The following VPS53 variants were observed in gnomAD, a reference collection of about 807,000 sequenced individuals.
The protein encoded by VPS53 is vacuolar protein sorting-associated protein 53 homolog.
Under a neutral mutation model 107.0 loss-of-function variants are expected in VPS53, and 70 were observed. The observed-to-expected ratio is 0.65, with a 90% CI of 0.54 to 0.80. VPS53 has a LOEUF of 0.80. Ranked by LOEUF, VPS53 falls within the 30% of genes least tolerant of loss-of-function variation. VPS53 has a pLI of 0.00. For missense variants in VPS53, 917 were observed against 1,049.4 expected (o/e 0.87, Z 1.74); for synonymous variants, 409 against 393.3 (o/e 1.04, Z -0.47).
intron 11 of VPS53, among the ~76,000 whole-genome samples, chr17:610,127 TCACACACA>T (rs200106767): frequency 0.17 from 22,243 of 134,278 alleles, 1,976 homozygotes; most frequent in Middle Eastern, 0.2. Context: ...TGAGACTCCG[TCACACACA>T]CACACACACA....
At chr17:681,328 G>A (rs1282180096) in intron 4 of VPS53, among the ~76,000 whole-genome samples, 2 of 152,288 alleles carry the variant, frequency 1.3e-5, no homozygotes, top group East Asian at 1.9e-4. Context: ...GTAGAGACAT[G>A]GTTTCACCAT....
In VPS53 at chr17:563,967, G is replaced by A. The variant is rs1368563017; in HGVS notation, c.1314-1222C>T. Among the ~76,000 whole-genome samples, 4 of 152,364 alleles carry A rather than the reference G, an allele frequency of 2.6e-5. No individual in the cohort carries two copies. In the East Asian group the frequency reaches 5.8e-4, roughly 22 times the overall value. ...AAAATCTTAGGAAAAGAGAGGGTAC[G>A]GGCAGAGTGTGGTGGCTCAAGCCTG... On this transcript the variant is annotated intron_variant, in intron 13 of 21. Transcript: ENST00000437048.
rs1448850096 is a variant in VPS53 at position 515,585 on chromosome 17, C to T, written c.*3543G>A. ...TGTTGCCCAGGCTTGTCTTGAAGTCCTGGGCTCAAGCAATCTTCCCACCTC... is the reference window on the plus strand; with the variant it reads ...TGTTGCCCAGGCTTGTCTTGAAGTCTTGGGCTCAAGCAATCTTCCCACCTC... On this transcript the variant is annotated 3_prime_UTR_variant, in exon 22 of 22. Coordinates refer to ENST00000437048, the MANE Select transcript of VPS53 (RefSeq NM_001128159.3). 1 of 152,122 alleles carries T rather than the reference C, an allele frequency of 6.6e-6. No individual in the cohort carries two copies. The highest frequency in any genetic ancestry group is 2.4e-5 in the African/African-American group (1 of 41,400). 9.4% of individuals were successfully genotyped at this position (152,122 alleles called of 1,614,324 possible). A position where few individuals can be genotyped will look rare whatever the true frequency, so the allele number is the denominator to read the frequency against.
intron 17 of VPS53, among the ~76,000 whole-genome samples, chr17:539,537 C>T (rs1053502808): frequency 6.6e-6 from 1 of 152,196 alleles, no homozygotes; most frequent in African/African-American, 2.4e-5. Context: ...TAAAAGGTGA[C>T]CTTACCTTTA....
chr17:524,069 C>T lies in VPS53; in HGVS notation c.2086-2331G>A, dbSNP rs1341880134. Among the ~76,000 whole-genome samples, 1 of 152,076 alleles carries T rather than the reference C, an allele frequency of 6.6e-6. No homozygotes were observed. The highest frequency in any genetic ancestry group is 2.4e-5 in the African/African-American group (1 of 41,400). On this transcript the variant is annotated intron_variant, in intron 19 of 21. Coordinates refer to ENST00000437048, the MANE Select transcript of VPS53 (RefSeq NM_001128159.3). The surrounding 1 kb of genome is among the most constrained non-coding windows in gnomAD (Gnocchi z 4.5). ...ATCCCAGCATTTTGGGAGGCCGAGG[C>T]GGGTGGATCATCTGAGGTCAGGAGT...
intron 4 of VPS53, among the ~76,000 whole-genome samples, chr17:671,603 AAC>A (rs1406012599): frequency 1.3e-5 from 2 of 152,138 alleles, no homozygotes; most frequent in Admixed American, 1.3e-4. Context: ...TCGTTTACCC[AAC>A]ACTCTTCCCC....
chr17:660,779 T>A (rs1165111804), intron 5 of VPS53, among the ~76,000 whole-genome samples: 1 of 152,176 alleles, frequency 6.6e-6, no homozygotes, highest in East Asian at 1.9e-4. Flanking sequence ...CTCAGTGCTC[T>A]TCATACGTTT....
intron 4 of VPS53, among the ~76,000 whole-genome samples, chr17:662,733 GAA>G (rs1381383531): frequency 1.5e-5 from 2 of 129,234 alleles, no homozygotes; most frequent in Admixed American, 1.6e-4. Context: ...AGAAGGGAGA[GAA>G]AGAGAGACAA....
At chr17:536,629 C>T (rs1910088260) in intron 18 of VPS53, 1 of 178,366 alleles carries the variant, frequency 5.6e-6, no homozygotes, top group African/African-American at 2.4e-5. Context: ...AAAATCAGTA[C>T]TGCAGGCACC....
chr17:712,103 TCC>T (rs1973664103), intron 1 of VPS53, among the ~76,000 whole-genome samples: 1 of 127,552 alleles, frequency 7.8e-6, no homozygotes, highest in Non-Finnish European at 1.7e-5. Context: ...GGCGTGAGCC[TCC>T]ACACCCGGCC....
At chr17:567,891 G>C (rs1329472332) in intron 13 of VPS53, among the ~76,000 whole-genome samples, 1 of 150,966 alleles carries the variant, frequency 6.6e-6, no homozygotes, top group African/African-American at 2.4e-5. Context: ...ATTGTCGAAG[G>C]GGAGGGGAGG....
At chr17:663,300 T>G (rs545646042) in intron 4 of VPS53, among the ~76,000 whole-genome samples, 1 of 152,340 alleles carries the variant, frequency 6.6e-6, no homozygotes, top group African/African-American at 2.4e-5. Flanking sequence ...ACAACACAGC[T>G]GCAGCTTCTG....
At chr17:608,437 A>AT (rs1968683568) in intron 11 of VPS53, among the ~76,000 whole-genome samples, 1 of 152,164 alleles carries the variant, frequency 6.6e-6, no homozygotes, top group Non-Finnish European at 1.5e-5. Flanking sequence ...AAGCCTGCGT[A>AT]TATGTGTGCA....
intron 13 of VPS53, among the ~76,000 whole-genome samples, chr17:579,288 A>G (rs1966872778): frequency 6.7e-6 from 1 of 150,236 alleles, no homozygotes; most frequent in South Asian, 2.2e-4. Context: ...AACTTCCCTC[A>G]GAACCTAATG....
intron 1 of VPS53, among the ~76,000 whole-genome samples, chr17:712,406 C>T (rs527408461): frequency 1.5e-3 from 224 of 151,852 alleles, no homozygotes; most frequent in Non-Finnish European, 2.4e-3. Flanking sequence ...GTCTTGAACT[C>T]CTGACATCGT....
chr17:702,275 GT>G lies in VPS53; in HGVS notation c.169-2896del, dbSNP rs1479070799. Among the ~76,000 whole-genome samples, 197 of 152,254 alleles carry G rather than the reference GT, an allele frequency of 1.3e-3. 1 individual carries two copies. Among genetic ancestry groups the G allele is most frequent in the African/African-American group, 4.6e-3 (192 of 41,542 alleles). ...AGGCTGAGGAAAGAAGACTGATTGA[GT>G]CTGTAAATTCCAGGGCACAGTGAGC... On this transcript the variant is annotated intron_variant, in intron 2 of 21. Coordinates refer to ENST00000437048, the MANE Select transcript of VPS53 (RefSeq NM_001128159.3).
intron 17 of VPS53, among the ~76,000 whole-genome samples, chr17:548,854 C>G (rs762464383): frequency 9.2e-5 from 14 of 152,214 alleles, no homozygotes; most frequent in Admixed American, 3.3e-4. Flanking sequence ...TTGAACTGCC[C>G]TACTAATCAC....
At position 707,920 on chromosome 17, in the gene VPS53, G is replaced by A. The variant is rs940393909; in HGVS notation, c.168+2613C>T. On this transcript the variant is annotated intron_variant, in intron 2 of 21. Transcript: ENST00000437048. Reference sequence around the variant, plus strand: ...TGTGGTCTCCAAAAAAACTGGCAACGATAAGCCTAGAGGACAGAGATCCTC... The same window carrying A: ...TGTGGTCTCCAAAAAAACTGGCAACAATAAGCCTAGAGGACAGAGATCCTC... Among the ~76,000 whole-genome samples the A allele has an allele frequency of 7.9e-5, 12 of 151,392 alleles. 1 individual carries two copies. Among genetic ancestry groups the A allele is most frequent in the Middle Eastern group, 3.4e-3 (1 of 290 alleles).
chr17:528,137 T>C (rs796319777), intron 19 of VPS53, among the ~76,000 whole-genome samples: 8 of 152,300 alleles, frequency 5.3e-5, no homozygotes, highest in African/African-American at 1.4e-4. Context: ...CTTTTGGAAG[T>C]GTACAATTCA....
Sources: allele counts gnomAD v4.1 joint callset (sites outside exome capture counted in the v4.1 genomes callset), GRCh38; gene constraint gnomAD v4.1.1; non-coding constraint Gnocchi (gnomAD v3.1); transcripts MANE v1.5; gene names NCBI Gene and HGNC (gene_info 2026-07-23, HGNC 2026-07-21).